The following UNKL variants were observed in gnomAD, a reference collection of about 807,000 sequenced individuals.
UNKL encodes putative E3 ubiquitin-protein ligase UNKL.
Under a neutral mutation model 78.0 loss-of-function variants are expected in UNKL, and 60 were observed. That is an observed-to-expected ratio of 0.77 (90% CI 0.63 to 0.95). UNKL has a LOEUF of 0.95. Ranked by LOEUF, UNKL falls within the 40% of genes least tolerant of loss-of-function variation. UNKL has a pLI of 0.00. For missense variants in UNKL, 1,159 were observed against 1,045.7 expected (o/e 1.11, Z -1.49); for synonymous variants, 608 against 474.8 (o/e 1.28, Z -3.65).
At chr16:1,414,337 G>A (rs1216658693) in intron 1 of UNKL, among the ~76,000 whole-genome samples, 3 of 152,046 alleles carry the variant, frequency 2.0e-5, no homozygotes, top group Non-Finnish European at 4.4e-5. Flanking sequence ...GGAGCAGAGG[G>A]TCCCGGTCCC....
chr16:1,390,871 AAC>A (rs1251805920), intron 8 of UNKL, among the ~76,000 whole-genome samples, 177 bp from the exon 9 acceptor site: 2 of 152,034 alleles, frequency 1.3e-5, no homozygotes, highest in African/African-American at 4.8e-5. Flanking sequence ...CTCTACTAAA[AAC>A]ACAAAAAATA....
Position 1,403,448 on chromosome 16 carries a change from C to T in UNKL, c.288-104G>A. 3 of 1,320,074 alleles carry T rather than the reference C, an allele frequency of 2.3e-6. No individual in the cohort carries two copies. The highest frequency in any genetic ancestry group is 3.1e-6 in the Non-Finnish European group (3 of 967,608). The allele number at this position is 1,320,074 out of a possible 1,614,324, so 81.8% of individuals were successfully genotyped here. Reference sequence around the variant, plus strand: ...TCAGCACGTGGCAAGCAGTGAATTCCCTTCCCTTCTTCCAGATTCCTGTTC... The same window carrying T: ...TCAGCACGTGGCAAGCAGTGAATTCTCTTCCCTTCTTCCAGATTCCTGTTC... On this transcript the variant is annotated intron_variant, in intron 2 of 14. Transcript: ENST00000389221. The surrounding 1 kb of genome is among the most constrained non-coding windows in gnomAD (Gnocchi z 4.8).
In UNKL at chr16:1,367,482, G is replaced by A. The variant is rs533166324; in HGVS notation, c.1789-133C>T. ...TGGCCCCCTCACCTGAGACCCCTGC[G>A]GCCCTCCCTCCCTCCCTCCCTCCCT... is the stretch of plus-strand genomic sequence containing the variant. On this transcript the variant is annotated intron_variant, in intron 13 of 14. Transcript: ENST00000389221. The A allele has an allele frequency of 5.7e-5, 59 of 1,030,088 alleles. No homozygotes were observed. In the East Asian group the frequency reaches 7.7e-4, roughly 13 times the overall value. 63.8% of individuals were successfully genotyped at this position (1,030,088 alleles called of 1,614,324 possible). A position where few individuals can be genotyped will look rare whatever the true frequency, so the allele number is the denominator to read the frequency against.
intron 2 of UNKL, among the ~76,000 whole-genome samples, chr16:1,407,976 C>A (rs1422108146): frequency 1.3e-5 from 2 of 151,686 alleles, no homozygotes; most frequent in Non-Finnish European, 2.9e-5. Flanking sequence ...GAAGCCTAGG[C>A]ATATGGATCG....
chr16:1,407,968 A>G (rs1199504018), intron 2 of UNKL, among the ~76,000 whole-genome samples: 3 of 151,768 alleles, frequency 2.0e-5, no homozygotes, highest in Admixed American at 2.0e-4. Context: ...GACTCTGGGA[A>G]GCCTAGGCAT....
intron 7 of UNKL, 47 bp downstream of exon 7, chr16:1,394,084 G>A: frequency 6.5e-7 from 1 of 1,532,786 alleles, no homozygotes; most frequent in Non-Finnish European, 8.8e-7. Flanking sequence ...GGCCTGCAGA[G>A]CCGCGGAACC....
chr16:1,405,244 G>C (rs1239591992), intron 2 of UNKL, among the ~76,000 whole-genome samples: 2 of 148,222 alleles, frequency 1.3e-5, no homozygotes, highest in Non-Finnish European at 1.5e-5. Flanking sequence ...AAGGAAGGGA[G>C]GGAGGGAGAG....
chr16:1,367,475 C>T, intron 13 of UNKL, 126 bp from the exon 14 acceptor site: 2 of 1,158,648 alleles, frequency 1.7e-6, no homozygotes, highest in Non-Finnish European at 2.3e-6. Flanking sequence ...TCACCTGAGA[C>T]CCCTGCGGCC....
chr16:1,370,098 G>C (rs964234556), intron 12 of UNKL, 32 bp downstream of exon 12: 1 of 1,542,088 alleles, frequency 6.5e-7, no homozygotes, highest in Non-Finnish European at 8.8e-7. Flanking sequence ...AGGCTTCACG[G>C]CAACGCCAGC....
chr16:1,367,097 C>G lies in UNKL; in HGVS notation c.2041G>C (p.Asp681His). 6.4e-7 allele frequency: 1 copy of G among 1,563,478 alleles called. No homozygotes were observed. Among genetic ancestry groups the G allele is most frequent in the Non-Finnish European group, 8.6e-7 (1 of 1,158,850 alleles). ...SQLRLDLEAVDGVIFQLRAKQ... is the reference protein window; with the variant it reads ...SQLRLDLEAVHGVIFQLRAKQ... ...CTGCCCAGAGCAGGACTCACGCCGT[C>G]CACCGCCTCCAGGTCCAGGCGCAGC... Residue 681 changes from aspartate (D) to histidine (H), a missense_variant, in exon 14 of 15, where the codon GAC becomes CAC. Coordinates refer to ENST00000389221, the MANE Select transcript of UNKL (RefSeq NM_001372107.1).
At chr16:1,380,135 T>C (rs1033363001) in intron 10 of UNKL, among the ~76,000 whole-genome samples, 2 of 152,214 alleles carry the variant, frequency 1.3e-5, no homozygotes. Context: ...CCTGTTCCTA[T>C]GAAGTGTAAG....
intron 8 of UNKL, among the ~76,000 whole-genome samples, chr16:1,391,192 C>T (rs1461754491): frequency 9.0e-6 from 1 of 110,584 alleles, no homozygotes; most frequent in Admixed American, 9.6e-5. Context: ...CACACACACA[C>T]ACAATATATA....
chr16:1,392,705 G>A (rs1362015998), intron 8 of UNKL, among the ~76,000 whole-genome samples, 186 bp downstream of exon 8: 1 of 152,236 alleles, frequency 6.6e-6, no homozygotes, highest in Non-Finnish European at 1.5e-5. Context: ...AAAGTGCTGG[G>A]ATGACAGGCG....
At chr16:1,367,414 T>C in intron 13 of UNKL, 65 bp from the exon 14 acceptor site, 2 of 1,460,342 alleles carry the variant, frequency 1.4e-6, no homozygotes, top group Admixed American at 4.4e-5. Context: ...CCCTCTTGCC[T>C]GTGTCACCAG....
chr16:1,399,416 T>C lies in UNKL; in HGVS notation c.692A>G (p.Asn231Ser), dbSNP rs199649626. Residue 231 changes from asparagine to serine, a missense_variant, in exon 5 of 15, where the codon AAT becomes AGT. Asn to Ser is a conservative substitution (Grantham distance 46, BLOSUM62 1). Transcript: ENST00000389221. The surrounding 1 kb of genome is among the most constrained non-coding windows in gnomAD (Gnocchi z 5.8). ...GGGGTTGCGCCGCCTGTCCCGGCTA[T>C]TGTGGTAGTGTGGGCACGCATAGCC... is the stretch of plus-strand genomic sequence containing the variant. ...RQGYACPHYH[N>S]SRDRRRNPRR... 2.5e-4 allele frequency: 394 copies of C among 1,605,860 alleles called. No individual in the cohort carries two copies. The East Asian group carries it at 8.0e-3, about 33-fold the overall frequency.
intron 10 of UNKL, among the ~76,000 whole-genome samples, chr16:1,374,647 C>T (rs963141581): frequency 1.3e-5 from 2 of 152,114 alleles, no homozygotes; most frequent in Non-Finnish European, 2.9e-5. Context: ...CCCGCCCTCG[C>T]AGACCTCCTG....
At chr16:1,414,438 C>T (rs761788173) in intron 1 of UNKL, among the ~76,000 whole-genome samples, 177 bp downstream of exon 1, 18 of 151,908 alleles carry the variant, frequency 1.2e-4, no homozygotes, top group Non-Finnish European at 1.2e-4. Context: ...AGACCATGGG[C>T]GCCGCGCTCC....
intron 5 of UNKL, chr16:1,398,679 G>GCTGCCC: frequency 1.2e-5 from 16 of 1,356,212 alleles, no homozygotes; most frequent in Non-Finnish European, 1.3e-5. Context: ...TGTGGGGTCT[G>GCTGCCC]CACCCCCCCA....
Position 1,382,002 on chromosome 16 carries a change from A to G in UNKL, c.1264+3206T>C, listed in dbSNP as rs112198346. Among the ~76,000 whole-genome samples the G allele has an allele frequency of 1.7e-3, 257 of 152,272 alleles. 3 individuals are homozygous for G. Among genetic ancestry groups the G allele is most frequent in the African/African-American group, 5.3e-3 (222 of 41,564 alleles). On this transcript the variant is annotated intron_variant, in intron 10 of 14. Transcript: ENST00000389221. ...TCAGGGAAGGCCGTCACCTGTGGTG[A>G]TCTCCAAGTGCTCTGTCCCTGGGCT... is the stretch of plus-strand genomic sequence containing the variant.
Sources: gnomAD v4.1 joint callset for allele counts (sites outside exome capture counted in the v4.1 genomes callset) on GRCh38, gnomAD v4.1.1 for gene constraint, Gnocchi (gnomAD v3.1) non-coding constraint, MANE v1.5 for transcripts, NCBI Gene and HGNC (gene_info 2026-07-23, HGNC 2026-07-21) for gene names.